ELMO1: variants seen among roughly 807,000 people sequenced by gnomAD.
ELMO1 encodes engulfment and cell motility protein 1.
In ELMO1, 26 loss-of-function variants were observed where a neutral mutation model predicts 98.9. The ratio of observed to expected loss-of-function variants is 0.26; its 90% CI spans 0.19 to 0.36. The LOEUF (loss-of-function observed/expected upper bound fraction) is 0.36. Ranked by LOEUF, ELMO1 falls within the 10% of genes least tolerant of loss-of-function variation. ELMO1 has a pLI of 1.00. For synonymous variants in ELMO1, 346 were observed against 346.0 expected, an observed-to-expected ratio of 1.00 and a Z score of 0.00; for missense variants, 627 against 935.2, an observed-to-expected ratio of 0.67 and a Z score of 4.30.
intron 8 of ELMO1, among the ~76,000 whole-genome samples, chr7:37,232,836 T>A (rs1015153762): frequency 2.0e-5 from 3 of 152,204 alleles, no homozygotes; most frequent in Admixed American, 2.0e-4. Context: ...AACACACTTG[T>A]GCAGTTATTA....
intron 1 of ELMO1, among the ~76,000 whole-genome samples, chr7:37,432,925 C>A (rs1804990220): frequency 6.6e-6 from 1 of 152,238 alleles, no homozygotes; most frequent in Non-Finnish European, 1.5e-5. Flanking sequence ...AAGAATACTT[C>A]TGCAGAGAGT....
In ELMO1 at chr7:37,216,926, CTTCTT is replaced by C. The variant is rs530140912; in HGVS notation, c.781-236_781-232del. ...AGGAAAGATATCTGGCACCTGCAAA[CTTCTT>C]TTCTTTAGGAATTTCTTCCTTCCAG... On this transcript the variant is annotated intron_variant, in intron 10 of 21. Coordinates refer to ENST00000310758, the MANE Select transcript of ELMO1 (RefSeq NM_014800.11). Among the ~76,000 whole-genome samples, 9 of 152,292 alleles carry C rather than the reference CTTCTT, an allele frequency of 5.9e-5. 1 individual carries two copies. The East Asian group carries it at 1.7e-3, about 29-fold the overall frequency.
chr7:37,044,632 G>C (rs1355773478), intron 15 of ELMO1, among the ~76,000 whole-genome samples: 1 of 152,126 alleles, frequency 6.6e-6, no homozygotes, highest in Non-Finnish European at 1.5e-5. Flanking sequence ...TCCAAACCTG[G>C]AGGTCAGTCT....
At chr7:37,173,538 C>T (rs1584762567) in intron 13 of ELMO1, among the ~76,000 whole-genome samples, 1 of 152,218 alleles carries the variant, frequency 6.6e-6, no homozygotes, top group African/African-American at 2.4e-5. Flanking sequence ...AGCTCCTAGT[C>T]CATGCTGCTG....
At chr7:37,283,892 G>A (rs1797264378) in intron 4 of ELMO1, among the ~76,000 whole-genome samples, 1 of 152,190 alleles carries the variant, frequency 6.6e-6, no homozygotes, top group Admixed American at 6.5e-5. Flanking sequence ...AGAACCCTGG[G>A]GGACAAGCAA....
At chr7:36,967,771 A>T (rs1449289550) in intron 16 of ELMO1, among the ~76,000 whole-genome samples, 1 of 152,244 alleles carries the variant, frequency 6.6e-6, no homozygotes, top group African/African-American at 2.4e-5. Context: ...CTTTGGAAAG[A>T]GAATGCAACC....
At position 37,068,436 on chromosome 7, in the gene ELMO1, C is replaced by A. The variant is rs552602818; in HGVS notation, c.1300+28183G>T. 2.0e-3 allele frequency among the ~76,000 whole-genome samples: 312 copies of A among 152,302 alleles called. 2 individuals carry two copies. Among genetic ancestry groups the A allele is most frequent in the African/African-American group, 7.4e-3 (306 of 41,562 alleles). On this transcript the variant is annotated intron_variant, in intron 15 of 21. Coordinates refer to ENST00000310758, the MANE Select transcript of ELMO1 (RefSeq NM_014800.11). Reference sequence around the variant, plus strand: ...TTGACAGTGGCCAATGTATATGACACTTATTGTCAACATTAATTCCCAGGA... The same window carrying A: ...TTGACAGTGGCCAATGTATATGACAATTATTGTCAACATTAATTCCCAGGA...
chr7:37,127,672 T>A (rs908771650), intron 14 of ELMO1, among the ~76,000 whole-genome samples: 1 of 152,210 alleles, frequency 6.6e-6, no homozygotes, highest in Non-Finnish European at 1.5e-5. Flanking sequence ...CCATGAAGAA[T>A]TACATTATCC....
intron 13 of ELMO1, among the ~76,000 whole-genome samples, chr7:37,194,830 T>G (rs1017658978): frequency 6.6e-6 from 1 of 152,260 alleles, no homozygotes; most frequent in Admixed American, 6.5e-5. Context: ...AAACACTTTA[T>G]AGTCTATTTG....
chr7:37,427,955 G>A (rs1804774165), intron 1 of ELMO1, among the ~76,000 whole-genome samples: 1 of 152,064 alleles, frequency 6.6e-6, no homozygotes, highest in Admixed American at 6.5e-5. Flanking sequence ...ATCAATAGGG[G>A]AGAAAAATAA....
chr7:37,275,439 C>A (rs1460316039), intron 4 of ELMO1, among the ~76,000 whole-genome samples: 5 of 152,226 alleles, frequency 3.3e-5, no homozygotes, highest in Non-Finnish European at 2.9e-5. Flanking sequence ...TGATTAAATT[C>A]TCTGATAAAG....
chr7:37,034,112 T>C (rs1003521291), intron 15 of ELMO1, among the ~76,000 whole-genome samples: 1 of 152,196 alleles, frequency 6.6e-6, no homozygotes, highest in Non-Finnish European at 1.5e-5. Context: ...AGTTAAATTG[T>C]GACCTTCCAC....
intron 1 of ELMO1, among the ~76,000 whole-genome samples, chr7:37,363,877 G>A (rs997478272): frequency 2.0e-5 from 3 of 152,056 alleles, no homozygotes; most frequent in African/African-American, 7.2e-5. Flanking sequence ...TAAACCAAGT[G>A]ACTAGAAAAC....
intron 1 of ELMO1, among the ~76,000 whole-genome samples, chr7:37,407,776 T>C (rs1422064225): frequency 6.6e-6 from 1 of 152,088 alleles, no homozygotes; most frequent in East Asian, 1.9e-4. Context: ...TTCAATCTCA[T>C]AGAACTGTAA....
At chr7:37,385,927 T>TA (rs887021157) in intron 1 of ELMO1, among the ~76,000 whole-genome samples, 2 of 152,198 alleles carry the variant, frequency 1.3e-5, no homozygotes, top group African/African-American at 4.8e-5. Context: ...GTCCTAGTGT[T>TA]ACGTGCTCCA....
intron 8 of ELMO1, among the ~76,000 whole-genome samples, chr7:37,232,464 G>C (rs1794229162): frequency 6.6e-6 from 1 of 152,210 alleles, no homozygotes; most frequent in Non-Finnish European, 1.5e-5. Flanking sequence ...AATGGAAACA[G>C]AGTTGCAAAT....
rs561224624 is a variant in ELMO1 at position 37,341,580 on chromosome 7, C to T, written c.78+1033G>A. Among the ~76,000 whole-genome samples, 466 of 152,308 alleles carry T rather than the reference C, an allele frequency of 3.1e-3. 2 individuals are homozygous for T. Among genetic ancestry groups the T allele is most frequent in the Non-Finnish European group, 4.0e-3 (271 of 68,020 alleles). On this transcript the variant is annotated intron_variant, in intron 2 of 21. Transcript: ENST00000310758. ...AATCCCAAAAATTTACCCTTTCTTACATTTGAGTTTAAGTTCAATTAATTC... is the reference window on the plus strand; with the variant it reads ...AATCCCAAAAATTTACCCTTTCTTATATTTGAGTTTAAGTTCAATTAATTC...
At chr7:37,056,989 G>A (rs1028740782) in intron 15 of ELMO1, among the ~76,000 whole-genome samples, 8 of 152,152 alleles carry the variant, frequency 5.3e-5, no homozygotes, top group Non-Finnish European at 8.8e-5. Flanking sequence ...TATCAAAAAT[G>A]TCCAACACAA....
At chr7:37,222,976 G>A (rs1178734907) in intron 9 of ELMO1, among the ~76,000 whole-genome samples, 4 of 152,166 alleles carry the variant, frequency 2.6e-5, no homozygotes, top group African/African-American at 4.8e-5. Context: ...CATAAACCTA[G>A]GGGATGTTGT....
Sources: allele counts gnomAD v4.1 joint callset (sites outside exome capture counted in the v4.1 genomes callset), GRCh38; gene constraint gnomAD v4.1.1; transcripts MANE v1.5; gene names NCBI Gene and HGNC (gene_info 2026-07-23, HGNC 2026-07-21).